The following TPRG1 variants were observed in gnomAD, a reference collection of about 807,000 sequenced individuals.
TPRG1 encodes the protein tumor protein p63 regulated 1, also known as tumor protein p63-regulated gene 1 protein.
A neutral mutation model predicts 29.3 loss-of-function variants in TPRG1; 29 were observed. The observed-to-expected ratio is 0.99, with a 90% CI of 0.74 to 1.35. TPRG1 has a LOEUF of 1.35. Ranked by LOEUF, TPRG1 falls within the 40% of genes most tolerant of loss-of-function variation. TPRG1 has a pLI of 0.00. For missense variants in TPRG1, 327 were observed against 335.0 expected (o/e 0.98, Z 0.19); for synonymous variants, 130 against 116.8 (o/e 1.11, Z -0.73).
At chr3:189,174,221 A>G (rs965535204) in intron 1 of TPRG1, among the ~76,000 whole-genome samples, 2 of 152,234 alleles carry the variant, frequency 1.3e-5, no homozygotes, top group African/African-American at 4.8e-5. Flanking sequence ...TGAATCCAGC[A>G]TGCAGATGTG....
chr3:189,263,983 C>G (rs1293146446), intron 4 of TPRG1, among the ~76,000 whole-genome samples: 20 of 152,140 alleles, frequency 1.3e-4, no homozygotes, highest in Admixed American at 1.3e-3. Flanking sequence ...CTCATTAGCT[C>G]TGATCAAGAA....
chr3:189,232,862 A>G (rs918878468), intron 3 of TPRG1, among the ~76,000 whole-genome samples: 1 of 151,912 alleles, frequency 6.6e-6, no homozygotes, highest in Non-Finnish European at 1.5e-5. Flanking sequence ...GTCTTCCACG[A>G]CTCCACTTAA....
intron 4 of TPRG1, among the ~76,000 whole-genome samples, chr3:189,049,315 G>A (rs1266199837): frequency 1.3e-5 from 2 of 152,252 alleles, no homozygotes; most frequent in East Asian, 1.9e-4. Context: ...GGGGCATAGT[G>A]GGAGTGAGAC....
At chr3:189,136,126 A>G (rs1271277362) in intron 3 of TPRG1, among the ~76,000 whole-genome samples, 1 of 152,234 alleles carries the variant, frequency 6.6e-6, no homozygotes, top group Non-Finnish European at 1.5e-5. Context: ...TTCTTTGAAC[A>G]TTCACCAACT....
rs541435874 is a variant in TPRG1 at position 189,294,356 on chromosome 3, A to T, written c.480-16030A>T. Among the ~76,000 whole-genome samples, 6 of 152,032 alleles carry T rather than the reference A, an allele frequency of 3.9e-5. No individual in the cohort carries two copies. In the South Asian group the frequency reaches 1.2e-3, roughly 32 times the overall value. ...GCCAATTCCAAATTATATAATAACC[A>T]GATTTATGGCATAATATTGCCATAT... On this transcript the variant is annotated intron_variant, in intron 4 of 5. Transcript: ENST00000345063.
rs116621879 is a variant in TPRG1, at chr3:189,308,233, C to A, written c.480-2153C>A. On this transcript the variant is annotated intron_variant, in intron 4 of 5. Coordinates refer to ENST00000345063, the MANE Select transcript of TPRG1 (RefSeq NM_198485.4). The stretch of plus-strand genomic sequence containing the variant: ...AGAGAAATAAGCTTGCCCATAGTCA[C>A]GCAATGTTAAGTGTCAAAACCGAGA... Among the ~76,000 whole-genome samples, 4 of 152,276 alleles carry A rather than the reference C, an allele frequency of 2.6e-5. No individual in the cohort carries two copies. In the East Asian group the frequency reaches 5.8e-4, roughly 22 times the overall value.
chr3:189,263,439 AG>A (rs2109049287), intron 4 of TPRG1, among the ~76,000 whole-genome samples: 1 of 152,320 alleles, frequency 6.6e-6, no homozygotes, highest in African/African-American at 2.4e-5. Context: ...AGGACATCAA[AG>A]TGGAGATTAG....
chr3:189,183,501 A>G (rs1039858403), intron 1 of TPRG1, among the ~76,000 whole-genome samples: 1 of 152,144 alleles, frequency 6.6e-6, no homozygotes, highest in Non-Finnish European at 1.5e-5. Context: ...TCCTCTTCCT[A>G]ATAAGCCTGG....
chr3:188,997,984 A>ACATTCATTCATT (rs141808035), intron 1 of TPRG1, among the ~76,000 whole-genome samples: 48 of 152,188 alleles, frequency 3.2e-4, no homozygotes, highest in African/African-American at 1.1e-3. Flanking sequence ...AAAAAAATTC[A>ACATTCATTCATT]CATTCATTCA....
At chr3:188,999,107 G>A (rs1056185638) in intron 1 of TPRG1, among the ~76,000 whole-genome samples, 8 of 152,186 alleles carry the variant, frequency 5.3e-5, no homozygotes, top group Non-Finnish European at 1.2e-4. Context: ...ATCACAGGAG[G>A]TAAGGGTAAG....
chr3:189,245,645 G>C (rs1293058853), intron 4 of TPRG1, among the ~76,000 whole-genome samples: 1 of 152,018 alleles, frequency 6.6e-6, no homozygotes, highest in Admixed American at 6.6e-5. Flanking sequence ...ATGTACACTT[G>C]AATTTTATTT....
At chr3:189,124,790 A>G (rs1290427578) in intron 1 of TPRG1, among the ~76,000 whole-genome samples, 1 of 152,120 alleles carries the variant, frequency 6.6e-6, no homozygotes, top group African/African-American at 2.4e-5. Context: ...TTCACATTCA[A>G]TTTGGGAAGG....
chr3:189,201,295 A>C (rs1733445347), intron 1 of TPRG1, among the ~76,000 whole-genome samples: 1 of 152,206 alleles, frequency 6.6e-6, no homozygotes, highest in East Asian at 1.9e-4. Context: ...GGGGATCATC[A>C]AGTAGCTATT....
intron 5 of TPRG1, among the ~76,000 whole-genome samples, chr3:189,156,773 A>C (rs112538135): frequency 1.3e-3 from 201 of 152,312 alleles, no homozygotes; most frequent in African/African-American, 4.7e-3. Flanking sequence ...AGCAGGCAGC[A>C]CAGAGCTCAA....
chr3:189,050,170 A>C (rs554358730), intron 4 of TPRG1, among the ~76,000 whole-genome samples: 29 of 152,352 alleles, frequency 1.9e-4, no homozygotes, highest in African/African-American at 6.7e-4. Flanking sequence ...AAAGAGAAAT[A>C]AAATTGATAG....
chr3:189,037,211 T>G (rs1378089205), intron 4 of TPRG1, among the ~76,000 whole-genome samples: 2 of 151,754 alleles, frequency 1.3e-5, no homozygotes, highest in Non-Finnish European at 3.0e-5. Context: ...AGAACAAATT[T>G]ATTTATAAAT....
At chr3:189,254,041 A>G (rs1214710145) in intron 4 of TPRG1, among the ~76,000 whole-genome samples, 2 of 152,006 alleles carry the variant, frequency 1.3e-5, no homozygotes, top group Admixed American at 6.6e-5. Flanking sequence ...CCCATTTGTC[A>G]ATTTTGGCTT....
intron 1 of TPRG1, among the ~76,000 whole-genome samples, chr3:189,179,629 C>A (rs1560519125): frequency 2.6e-5 from 4 of 152,046 alleles, no homozygotes; most frequent in Admixed American, 1.3e-4. Flanking sequence ...CAGACAATTA[C>A]TCCTTAAGGG....
chr3:189,107,955 CAA>C (rs1720022279), intron 1 of TPRG1, among the ~76,000 whole-genome samples: 1 of 152,000 alleles, frequency 6.6e-6, no homozygotes, highest in Non-Finnish European at 1.5e-5. Flanking sequence ...TGTATCGTAA[CAA>C]GAGATTTTAT....
Sources: gnomAD v4.1 joint callset for allele counts (sites outside exome capture counted in the v4.1 genomes callset) on GRCh38, gnomAD v4.1.1 for gene constraint, MANE v1.5 for transcripts, NCBI Gene and HGNC (gene_info 2026-07-23, HGNC 2026-07-21) for gene names.